SND1: variants seen among roughly 807,000 people sequenced by gnomAD.
SND1 encodes the protein staphylococcal nuclease domain-containing protein 1.
Under a neutral mutation model 121.7 loss-of-function variants are expected in SND1, and 38 were observed. The observed-to-expected ratio is 0.31, with a 90% confidence interval of 0.24 to 0.41. The LOEUF (loss-of-function observed/expected upper bound fraction) is 0.41, where lower values mean the gene tolerates loss of function less well. SND1 is among the 10% of genes least tolerant of loss of function. SND1 has a pLI of 1.00. For missense variants in SND1, 868 were observed against 1,184.6 expected (o/e 0.73, Z 3.92); for synonymous variants, 401 against 447.4 (o/e 0.90, Z 1.31).
intron 1 of SND1, among the ~76,000 whole-genome samples, chr7:127,659,878 G>A (rs1430289118): frequency 1.3e-5 from 2 of 152,118 alleles, no homozygotes; most frequent in Non-Finnish European, 2.9e-5. Flanking sequence ...CCATAAGGCT[G>A]TAATTTTATA....
chr7:127,691,468 C>T lies in SND1; in HGVS notation c.229-3360C>T, dbSNP rs566211170. Among the ~76,000 whole-genome samples, 391 of 151,826 alleles carry T rather than the reference C, an allele frequency of 2.6e-3. 4 individuals are homozygous for T. The highest frequency in any genetic ancestry group is 9.1e-3 in the African/African-American group (379 of 41,462). On this transcript the variant is annotated intron_variant, in intron 2 of 23. Transcript: ENST00000354725. ...CTGAGGCAGGAGAATTGCTTGAACC[C>T]GGGAAGCGGAGGTTGCAGTGAACCA...
At chr7:127,915,992 G>A (rs540010982) in intron 14 of SND1, among the ~76,000 whole-genome samples, 3 of 105,100 alleles carry the variant, frequency 2.9e-5, no homozygotes, top group South Asian at 7.0e-4. Flanking sequence ...AATTAGAACA[G>A]CATATGTGTG....
intron 9 of SND1, among the ~76,000 whole-genome samples, chr7:127,711,597 G>A (rs539779209): frequency 1.7e-4 from 26 of 152,084 alleles, no homozygotes; most frequent in African/African-American, 6.3e-4. Context: ...CTATATTTGA[G>A]CATATTATGC....
chr7:127,997,365 C>G (rs1802688488), intron 16 of SND1: 2 of 256,810 alleles, frequency 7.8e-6, no homozygotes, highest in Admixed American at 1.0e-4. Flanking sequence ...AGTCAGTCTT[C>G]TATAGGGCAT....
Position 127,701,272 on chromosome 7 carries a change from A to G in SND1, c.538A>G (p.Ile180Val), listed in dbSNP as rs1796095489. Residue 180 changes from isoleucine (I) to valine (V), a missense_variant, in exon 5 of 24, where the codon ATT (isoleucine) becomes GTT (valine). Transcript: ENST00000354725. ...SHTIRDLKYT[I>V]ENPRHFVDSH... ...TACTATCCGGGATCTCAAGTATACC[A>G]TTGAAAACCCAAGGCACTTTGTGGA... is the stretch of plus-strand genomic sequence containing the variant. 3.1e-6 allele frequency: 5 copies of G among 1,613,980 alleles called. No individual in the cohort carries two copies. Among genetic ancestry groups the G allele is most frequent in the Non-Finnish European group, 3.4e-6 (4 of 1,179,970 alleles).
At chr7:127,934,086 T>C (rs1383855030) in intron 15 of SND1, among the ~76,000 whole-genome samples, 1 of 152,186 alleles carries the variant, frequency 6.6e-6, no homozygotes, top group East Asian at 1.9e-4. Context: ...AGGGAATGAT[T>C]ATTTCTTTAG....
At chr7:127,704,555 T>A (rs1201306082) in intron 7 of SND1, among the ~76,000 whole-genome samples, 1 of 152,198 alleles carries the variant, frequency 6.6e-6, no homozygotes, top group Non-Finnish European at 1.5e-5. Flanking sequence ...AAATGTCAAT[T>A]CCATTCAGTG....
rs939178015 is a variant in SND1, at chr7:128,092,415, A to G, written c.*357A>G. On this transcript the variant is annotated 3_prime_UTR_variant, in exon 24 of 24. Transcript: ENST00000354725. This position sits in a 1 kb window ranked among gnomAD's most constrained non-coding sequence, Gnocchi z 4.9. ...AATCCTAACACCCAGGCTGGCCGCC[A>G]GCTGGCACCTGCCTCTATCCCAGAC... The G allele has an allele frequency of 3.8e-6, 1 of 265,282 alleles. No individual in the cohort carries two copies. Among genetic ancestry groups the G allele is most frequent in the South Asian group, 9.3e-5 (1 of 10,802 alleles). The allele number at this position is 265,282 out of a possible 1,614,324, so 16.4% of individuals were successfully genotyped here. A position where few individuals can be genotyped will look rare whatever the true frequency, so the allele number is the denominator to read the frequency against.
chr7:127,706,073 ATGT>A (rs946217622), intron 8 of SND1, among the ~76,000 whole-genome samples: 21 of 151,992 alleles, frequency 1.4e-4, no homozygotes, highest in Non-Finnish European at 2.2e-4. Context: ...AATTTTTTTT[ATGT>A]TGTTCTACAA....
At chr7:127,937,825 C>T (rs574845880) in intron 15 of SND1, among the ~76,000 whole-genome samples, 3 of 152,316 alleles carry the variant, frequency 2.0e-5, no homozygotes, top group Admixed American at 2.0e-4. Context: ...CATTGATTAC[C>T]AGTGCCTAAC....
At chr7:127,736,070 TAC>T (rs1796771669) in intron 10 of SND1, among the ~76,000 whole-genome samples, 1 of 152,238 alleles carries the variant, frequency 6.6e-6, no homozygotes, top group Non-Finnish European at 1.5e-5. Context: ...GTCATTTTTG[TAC>T]AGTTTCTGAG....
In SND1 at chr7:128,074,646, T is replaced by A. The variant is rs1343064443; in HGVS notation, c.1924T>A (p.Ser642Thr). ...CGCCGAACGCAGCTCCTACTACAAG[T>A]CCCTGCTGTCTGCCGAGGAGGCCGC... ...FTAERSSYYKSLLSAEEAAKQ... is the reference protein window; with the variant it reads ...FTAERSSYYKTLLSAEEAAKQ... The change falls in exon 17 of 24, where the codon TCC becomes ACC. Residue 642 changes from serine (S) to threonine (T), a missense_variant. Ser to Thr is a moderately conservative substitution (Grantham distance 58). Transcript: ENST00000354725. 3 of 1,613,612 alleles carry A rather than the reference T, an allele frequency of 1.9e-6. No homozygotes were observed. The highest frequency in any genetic ancestry group is 1.7e-6 in the Non-Finnish European group (2 of 1,179,932).
chr7:128,055,837 G>A (rs1020123100), intron 16 of SND1, among the ~76,000 whole-genome samples: 4 of 152,202 alleles, frequency 2.6e-5, no homozygotes, highest in Non-Finnish European at 2.9e-5. Context: ...TCCCCCACTC[G>A]CTGGGCCAGA....
intron 12 of SND1, among the ~76,000 whole-genome samples, chr7:127,887,679 T>C (rs919675883): frequency 7.9e-5 from 12 of 151,914 alleles, no homozygotes; most frequent in African/African-American, 1.7e-4. Context: ...TGGATTGATA[T>C]AGCATCTGAC....
At chr7:127,909,424 T>C (rs1800409786) in intron 14 of SND1, among the ~76,000 whole-genome samples, 1 of 152,086 alleles carries the variant, frequency 6.6e-6, no homozygotes, top group Non-Finnish European at 1.5e-5. Flanking sequence ...CGTGACTGAT[T>C]TTGTTAGAAA....
chr7:127,912,087 T>C (rs570121435), intron 14 of SND1, among the ~76,000 whole-genome samples: 1 of 152,304 alleles, frequency 6.6e-6, no homozygotes, highest in East Asian at 1.9e-4. Flanking sequence ...TAACTGGGAC[T>C]TACAGGCATA....
At chr7:128,037,271 TTCC>T (rs1792766926) in intron 16 of SND1, among the ~76,000 whole-genome samples, 1 of 152,208 alleles carries the variant, frequency 6.6e-6, no homozygotes, top group South Asian at 2.1e-4. Flanking sequence ...GCTGTCAGCC[TTCC>T]TTGACTTACA....
chr7:128,074,943 G>A (rs889098233), intron 17 of SND1, among the ~76,000 whole-genome samples: 2 of 152,184 alleles, frequency 1.3e-5, no homozygotes, highest in African/African-American at 4.8e-5. Context: ...AGTGATCCCA[G>A]GCCTGCTCAG....
At chr7:127,864,172 T>TCCCCCAC (rs1400515231) in intron 12 of SND1, among the ~76,000 whole-genome samples, 101 of 144,754 alleles carry the variant, frequency 7.0e-4, no homozygotes, top group African/African-American at 2.4e-3. Flanking sequence ...TTCTAAGTCT[T>TCCCCCAC]CCCCCACCCC....
Sources: allele counts gnomAD v4.1 joint callset (sites outside exome capture counted in the v4.1 genomes callset), GRCh38; gene constraint gnomAD v4.1.1; non-coding constraint Gnocchi (gnomAD v3.1); transcripts MANE v1.5; gene names NCBI Gene and HGNC (gene_info 2026-07-23, HGNC 2026-07-21).